The following MOB3A variants were observed in gnomAD, a reference collection of about 807,000 sequenced individuals.
MOB3A encodes the protein MOB LAK.
MOB3A carries 17 observed loss-of-function variants against 17.8 expected under a neutral mutation model. That is an observed-to-expected ratio of 0.95 (90% confidence interval 0.65 to 1.43). MOB3A has a LOEUF of 1.43. Ranked by LOEUF, MOB3A falls within the 40% of genes most tolerant of loss-of-function variation. The probability of loss-of-function intolerance (pLI) is 0.00; values close to 1 mark genes in which losing one functional copy is unlikely to be tolerated. For synonymous variants in MOB3A, 124 were observed against 133.2 expected, an observed-to-expected ratio of 0.93 and a Z score of 0.48; for missense variants, 333 against 310.8, an observed-to-expected ratio of 1.07 and a Z score of -0.54.
intron 1 of MOB3A, among the ~76,000 whole-genome samples, chr19:2,089,090 G>A (rs72983408): frequency 0.07 from 10,719 of 152,248 alleles, 383 homozygotes; most frequent in Non-Finnish European, 0.076. Context: ...GCCCTGTGAG[G>A]CTGGCAGGGC....
intron 3 of MOB3A, among the ~76,000 whole-genome samples, chr19:2,077,603 C>T (rs1035257051): frequency 6.6e-6 from 1 of 151,954 alleles, no homozygotes; most frequent in African/African-American, 2.4e-5. Flanking sequence ...ATTCTGAAAC[C>T]ACTGAGAACA....
Sources: allele counts gnomAD v4.1 joint callset (sites outside exome capture counted in the v4.1 genomes callset), GRCh38; gene constraint gnomAD v4.1.1; transcripts MANE v1.5; gene names NCBI Gene and HGNC (gene_info 2026-07-23, HGNC 2026-07-21).